The following FAM227B variants were observed in gnomAD, a reference collection of about 807,000 sequenced individuals.
FAM227B encodes the protein protein FAM227B.
In FAM227B, 88 loss-of-function variants were observed where a neutral mutation model predicts 73.8. The ratio of observed to expected loss-of-function variants is 1.19; its 90% confidence interval spans 1.00 to 1.42. The LOEUF is 1.42. Among genes scored for constraint, FAM227B ranks in the 40% most tolerant of loss-of-function variants. FAM227B has a pLI of 0.00. For missense variants in FAM227B, 632 were observed against 590.9 expected (o/e 1.07, Z -0.72); for synonymous variants, 210 against 190.5 (o/e 1.10, Z -0.84).
At chr15:49,580,544 T>A (rs1453599016) in intron 5 of FAM227B, among the ~76,000 whole-genome samples, 1 of 152,182 alleles carries the variant, frequency 6.6e-6, no homozygotes, top group Non-Finnish European at 1.5e-5. Context: ...CAGATGAGAA[T>A]CAGCACAAGA....
chr15:49,365,280 CTAAA>C (rs2044939811), intron 13 of FAM227B: 2 of 1,478,568 alleles, frequency 1.4e-6, no homozygotes, highest in Non-Finnish European at 1.9e-6. Flanking sequence ...GTGCAAGTTA[CTAAA>C]TAGAGGAGAG....
chr15:49,397,517 G>C (rs1161938858), intron 11 of FAM227B, among the ~76,000 whole-genome samples: 1 of 151,716 alleles, frequency 6.6e-6, no homozygotes. Flanking sequence ...GATACTCCTC[G>C]AGAAGAGCAA....
At chr15:49,363,655 A>T (rs1320060525) in intron 13 of FAM227B, among the ~76,000 whole-genome samples, 1 of 152,132 alleles carries the variant, frequency 6.6e-6, no homozygotes, top group African/African-American at 2.4e-5. Context: ...GACTTCCAAT[A>T]CTATGTTGAA....
chr15:49,380,551 A>T (rs2046458678), intron 11 of FAM227B, among the ~76,000 whole-genome samples: 1 of 152,254 alleles, frequency 6.6e-6, no homozygotes, highest in East Asian at 1.9e-4. Flanking sequence ...TAACATGCTA[A>T]AGAAATCATC....
At chr15:49,420,713 T>C (rs1012284203) in intron 11 of FAM227B, among the ~76,000 whole-genome samples, 1 of 152,144 alleles carries the variant, frequency 6.6e-6, no homozygotes. Flanking sequence ...CAAAGTTTTG[T>C]TTTTCTTTTT....
chr15:49,414,775 T>C lies in FAM227B; in HGVS notation c.1013-43376A>G, dbSNP rs748020869. ...AGAAGAAGTTGTGGTAGAATTGACA[T>C]TTTTTGGAATTAATTAGAGGAATAA... is the stretch of plus-strand genomic sequence containing the variant. On this transcript the variant is annotated intron_variant, in intron 11 of 15. Coordinates refer to ENST00000299338, the MANE Select transcript of FAM227B (RefSeq NM_152647.3). Among the ~76,000 whole-genome samples the C allele has an allele frequency of 3.6e-4, 54 of 152,040 alleles. 1 individual carries two copies. The highest frequency in any genetic ancestry group is 1.8e-3 in the Admixed American group (27 of 15,242).
rs146697723 is a variant in FAM227B at position 49,584,041 on chromosome 15, C to T, written c.405+3975G>A. 2.0e-4 allele frequency among the ~76,000 whole-genome samples: 30 copies of T among 152,088 alleles called. No individual in the cohort carries two copies. The East Asian group carries it at 3.9e-3, about 20-fold the overall frequency. ...GCCAGCATCATCCTGTCACTAAAAC[C>T]GGGCAGAGATAACAACAAAAAAAGA... On this transcript the variant is annotated intron_variant, in intron 5 of 15. Coordinates refer to ENST00000299338, the MANE Select transcript of FAM227B (RefSeq NM_152647.3).
At chr15:49,472,570 G>C (rs1372708132) in intron 11 of FAM227B, among the ~76,000 whole-genome samples, 3 of 152,104 alleles carry the variant, frequency 2.0e-5, no homozygotes, top group Non-Finnish European at 4.4e-5. Flanking sequence ...TATGGAAAAA[G>C]GAGAGAATAA....
chr15:49,371,645 TATAA>T (rs1297184236), intron 11 of FAM227B, among the ~76,000 whole-genome samples: 10 of 150,712 alleles, frequency 6.6e-5, no homozygotes, highest in Middle Eastern at 3.4e-3. Context: ...AAAATTCACT[TATAA>T]ATAAATGAAA....
rs550516319 is a variant in FAM227B at position 49,472,110 on chromosome 15, T to C, written c.1012+36101A>G. Among the ~76,000 whole-genome samples, 7 of 152,140 alleles carry C rather than the reference T, an allele frequency of 4.6e-5. No individual in the cohort carries two copies. The East Asian group carries it at 1.2e-3, about 25-fold the overall frequency. On this transcript the variant is annotated intron_variant, in intron 11 of 15. Coordinates refer to ENST00000299338, the MANE Select transcript of FAM227B (RefSeq NM_152647.3). ...TGTCTTTCTGGCTGTTAGCTTAGAA[T>C]AACTGAAAAAATAGGCTCCTGGAGT...
rs1361840164 is a variant in FAM227B, at chr15:49,489,881, TATAG to T, written c.1012+18326_1012+18329del. 2.6e-3 allele frequency among the ~76,000 whole-genome samples: 43 copies of T among 16,486 alleles called. 5 individuals are homozygous for T. Among genetic ancestry groups the T allele is most frequent in the Admixed American group, 5.6e-3 (5 of 890 alleles). 10.8% of individuals were successfully genotyped at this position (16,486 alleles called of 152,430 possible). A position where few individuals can be genotyped will look rare whatever the true frequency, so the allele number is the denominator to read the frequency against. The stretch of plus-strand genomic sequence containing the variant: ...TATTTTATATATATATATATATATA[TATAG>T]AGAGAGAGAGAGAGAGAGAGAGAGA... On this transcript the variant is annotated intron_variant, in intron 11 of 15. Coordinates refer to ENST00000299338, the MANE Select transcript of FAM227B (RefSeq NM_152647.3).
intron 11 of FAM227B, among the ~76,000 whole-genome samples, chr15:49,385,588 A>G (rs1170707982): frequency 6.8e-6 from 1 of 147,552 alleles, no homozygotes; most frequent in Non-Finnish European, 1.5e-5. Context: ...TCTATAAAAC[A>G]GTAACACAAT....
chr15:49,607,850 T>C (rs1361255768), intron 3 of FAM227B, among the ~76,000 whole-genome samples: 1 of 152,212 alleles, frequency 6.6e-6, no homozygotes, highest in Non-Finnish European at 1.5e-5. Context: ...GATCATATCT[T>C]GTAGCAGATC....
chr15:49,327,400 T>C lies in FAM227B; in HGVS notation c.*1168A>G, dbSNP rs2151109887. On this transcript the variant is annotated 3_prime_UTR_variant, in exon 16 of 16. Transcript: ENST00000299338. Reference sequence around the variant, plus strand: ...AGTTTAATAACACGCTTTTTGTTGATAAGTTTATTCAGTGAACTAGGCTAT... The same window carrying C: ...AGTTTAATAACACGCTTTTTGTTGACAAGTTTATTCAGTGAACTAGGCTAT... 1 of 152,372 alleles carries C rather than the reference T, an allele frequency of 6.6e-6. No individual in the cohort carries two copies. Among genetic ancestry groups the C allele is most frequent in the Admixed American group, 6.5e-5 (1 of 15,310 alleles). The allele number at this position is 152,372 out of a possible 1,614,324, so 9.4% of individuals were successfully genotyped here.
chr15:49,591,268 G>A (rs1200369311), intron 3 of FAM227B, among the ~76,000 whole-genome samples: 1 of 150,732 alleles, frequency 6.6e-6, no homozygotes, highest in Admixed American at 6.6e-5. Flanking sequence ...TAGAGACGGG[G>A]TTTGTGTTAT....
At chr15:49,610,419 GTA>G (rs535366728) in intron 3 of FAM227B, among the ~76,000 whole-genome samples, 1,445 of 33,926 alleles carry the variant, frequency 0.043, 25 homozygotes, top group East Asian at 0.077. Context: ...AACATTGAAA[GTA>G]AAAAAAAAAA....
At chr15:49,344,210 A>G (rs555152183) in intron 13 of FAM227B, 2 of 152,272 alleles carry the variant, frequency 1.3e-5, no homozygotes, top group Non-Finnish European at 2.9e-5. Flanking sequence ...AAAGAAAGAA[A>G]ATTATCATAA....
At chr15:49,362,468 G>C (rs1164170903) in intron 13 of FAM227B, among the ~76,000 whole-genome samples, 7 of 151,974 alleles carry the variant, frequency 4.6e-5, no homozygotes, top group Admixed American at 1.3e-4. Context: ...GGTTCAGGTA[G>C]TTCTTTATAG....
intron 10 of FAM227B, among the ~76,000 whole-genome samples, chr15:49,540,247 G>T (rs1203610000): frequency 6.6e-6 from 1 of 152,152 alleles, no homozygotes; most frequent in East Asian, 1.9e-4. Flanking sequence ...GTCCTTAGTA[G>T]AAAAGGTTGC....
Sources: gnomAD v4.1 joint callset for allele counts (sites outside exome capture counted in the v4.1 genomes callset) on GRCh38, gnomAD v4.1.1 for gene constraint, MANE v1.5 for transcripts, NCBI Gene and HGNC (gene_info 2026-07-23, HGNC 2026-07-21) for gene names.